Variants in ITFG1 observed in about 807,000 individuals in gnomAD.
ITFG1 encodes the protein integrin alpha FG-GAP repeat containing 1.
Under a neutral mutation model 81.8 loss-of-function variants are expected in ITFG1, and 34 were observed. That is an observed-to-expected ratio of 0.42 (90% CI 0.32 to 0.55). ITFG1 has a LOEUF of 0.55. Among genes scored for constraint, ITFG1 ranks in the 20% least tolerant of loss-of-function variants. The probability of loss-of-function intolerance (pLI) is 0.17; values close to 1 mark genes in which losing one functional copy is unlikely to be tolerated. For missense variants in ITFG1, 672 were observed against 755.4 expected, an observed-to-expected ratio of 0.89 and a Z score of 1.29; for synonymous variants, 285 against 270.6, an observed-to-expected ratio of 1.05 and a Z score of -0.52.
intron 6 of ITFG1, among the ~76,000 whole-genome samples, chr16:47,426,843 T>C (rs1969027005): frequency 6.6e-6 from 1 of 152,172 alleles, no homozygotes; most frequent in South Asian, 2.1e-4. Flanking sequence ...TTTTGCATCA[T>C]GGAATACTTT....
intron 6 of ITFG1, among the ~76,000 whole-genome samples, chr16:47,403,566 A>G (rs747873655): frequency 6.6e-6 from 1 of 152,192 alleles, no homozygotes; most frequent in Non-Finnish European, 1.5e-5. Context: ...AAATATGAAT[A>G]TATGTTGGTT....
chr16:47,330,434 T>C (rs1967621432), intron 8 of ITFG1, among the ~76,000 whole-genome samples: 1 of 151,486 alleles, frequency 6.6e-6, no homozygotes, highest in Non-Finnish European at 1.5e-5. Flanking sequence ...AAAATAAAAA[T>C]TGACAAGTTG....
At chr16:47,340,641 A>C (rs1967768736) in intron 8 of ITFG1, among the ~76,000 whole-genome samples, 1 of 152,194 alleles carries the variant, frequency 6.6e-6, no homozygotes, top group African/African-American at 2.4e-5. Context: ...TATAGAAAAC[A>C]AACAGGAAAA....
intron 12 of ITFG1, among the ~76,000 whole-genome samples, chr16:47,250,747 T>C (rs1246518023): frequency 6.6e-6 from 1 of 152,204 alleles, no homozygotes; most frequent in Non-Finnish European, 1.5e-5. Flanking sequence ...TAAAGGATAC[T>C]GAATAGGTGA....
chr16:47,201,010 A>G (rs1329348806), intron 14 of ITFG1, among the ~76,000 whole-genome samples: 1 of 152,250 alleles, frequency 6.6e-6, no homozygotes, highest in African/African-American at 2.4e-5. Flanking sequence ...AACAATGGAC[A>G]TCAGGATTTT....
chr16:47,327,212 C>G (rs1967561446), intron 8 of ITFG1, among the ~76,000 whole-genome samples: 1 of 152,132 alleles, frequency 6.6e-6, no homozygotes, highest in African/African-American at 2.4e-5. Flanking sequence ...CTGACAAAAA[C>G]AAGCAAAGGG....
In ITFG1 at chr16:47,161,198, A is replaced by C. The variant is rs577608011; in HGVS notation, c.1661+552T>G. ...AAATGAATGTATTCTGTTAATAAGG[A>C]TAAAAATACCTACCATTCGCTTACC... is the stretch of plus-strand genomic sequence containing the variant. On this transcript the variant is annotated intron_variant, in intron 16 of 17. Transcript: ENST00000320640. Among the ~76,000 whole-genome samples the C allele has an allele frequency of 3.3e-5, 5 of 152,354 alleles. No homozygotes were observed. In the East Asian group the frequency reaches 9.6e-4, roughly 29 times the overall value.
rs147662806 is a variant in ITFG1, at chr16:47,161,085, C to T, written c.1661+665G>A. On this transcript the variant is annotated intron_variant, in intron 16 of 17. Coordinates refer to ENST00000320640, the MANE Select transcript of ITFG1 (RefSeq NM_030790.5). ...TTTAAATGTTAGTGAATACTTTTAT[C>T]GCCTAATTTAAAAGGAATAGAATCA... 7.2e-3 allele frequency among the ~76,000 whole-genome samples: 1,087 copies of T among 151,986 alleles called. 15 individuals carry two copies. The highest frequency in any genetic ancestry group is 0.025 in the African/African-American group (1,037 of 41,438).
intron 6 of ITFG1, among the ~76,000 whole-genome samples, chr16:47,382,675 C>A (rs1360570974): frequency 6.6e-6 from 1 of 152,094 alleles, no homozygotes; most frequent in East Asian, 1.9e-4. Flanking sequence ...GTGGTGGAAA[C>A]CACTGGCTTT....
chr16:47,241,815 G>A lies in ITFG1; in HGVS notation c.1331-3807C>T, dbSNP rs552761541. 5.9e-5 allele frequency among the ~76,000 whole-genome samples: 9 copies of A among 152,212 alleles called. No homozygotes were observed. In the East Asian group the frequency reaches 1.5e-3, roughly 26 times the overall value. On this transcript the variant is annotated intron_variant, in intron 12 of 17. Transcript: ENST00000320640. ...CTAAAAATACAAAAATTAGCTGGGC[G>A]TGGAGGCAGGTGCCTGTAGTCCCAG...
chr16:47,249,907 G>A (rs1966049643), intron 12 of ITFG1, among the ~76,000 whole-genome samples: 1 of 152,206 alleles, frequency 6.6e-6, no homozygotes, highest in South Asian at 2.1e-4. Flanking sequence ...CCAACGTGCA[G>A]GTTGGGAGAA....
At chr16:47,231,821 G>C (rs1306077313) in intron 13 of ITFG1, among the ~76,000 whole-genome samples, 1 of 152,228 alleles carries the variant, frequency 6.6e-6, no homozygotes, top group Non-Finnish European at 1.5e-5. Flanking sequence ...AGATGTCCAT[G>C]TCCTACTTTC....
At chr16:47,459,003 C>T (rs1374127546) in intron 2 of ITFG1, 100 bp downstream of exon 2, 3 of 739,604 alleles carry the variant, frequency 4.1e-6, no homozygotes, top group Non-Finnish European at 6.9e-6. Context: ...TTTTGCATCC[C>T]AACACTAAGG....
intron 12 of ITFG1, among the ~76,000 whole-genome samples, chr16:47,240,469 C>CAAATAG (rs1322733811): frequency 6.6e-6 from 1 of 151,954 alleles, no homozygotes; most frequent in Non-Finnish European, 1.5e-5. Flanking sequence ...ACCCAGATGA[C>CAAATAG]AAATAGGAAA....
chr16:47,332,844 C>T (rs1056322976), intron 8 of ITFG1, among the ~76,000 whole-genome samples: 2 of 152,194 alleles, frequency 1.3e-5, no homozygotes, highest in Non-Finnish European at 2.9e-5. Flanking sequence ...AGGATTTTCA[C>T]GTCAGTCTTT....
intron 12 of ITFG1, among the ~76,000 whole-genome samples, chr16:47,257,499 A>T (rs1488107502): frequency 6.6e-6 from 1 of 152,186 alleles, no homozygotes; most frequent in African/African-American, 2.4e-5. Context: ...ACTGGTTACA[A>T]TGAAAAAATA....
At chr16:47,312,555 A>G (rs1183504499) in intron 9 of ITFG1, 1 of 152,216 alleles carries the variant, frequency 6.6e-6, no homozygotes, top group Non-Finnish European at 1.5e-5. Context: ...TCAATCTTTA[A>G]GCAAAACAGT....
intron 6 of ITFG1, among the ~76,000 whole-genome samples, chr16:47,380,328 C>T (rs1290808896): frequency 2.6e-5 from 4 of 152,202 alleles, no homozygotes. Flanking sequence ...CAGCTAGTCT[C>T]CTTTCCTGTT....
intron 6 of ITFG1, among the ~76,000 whole-genome samples, chr16:47,413,982 G>A (rs1019811973): frequency 2.6e-5 from 4 of 151,648 alleles, no homozygotes; most frequent in East Asian, 2.0e-4. Context: ...CCCCATGCCC[G>A]GCTAATTTTT....
Sources: allele counts gnomAD v4.1 joint callset (sites outside exome capture counted in the v4.1 genomes callset), GRCh38; gene constraint gnomAD v4.1.1; transcripts MANE v1.5; gene names NCBI Gene and HGNC (gene_info 2026-07-23, HGNC 2026-07-21).